TPX2: variants seen among roughly 807,000 people sequenced by gnomAD.
TPX2 encodes the protein targeting protein for Xklp2.
TPX2 carries 21 observed loss-of-function variants against 93.6 expected under a neutral mutation model. That is an observed-to-expected ratio of 0.22 (90% confidence interval 0.16 to 0.32). The LOEUF is 0.32. Ranked by LOEUF, TPX2 falls within the 10% of genes least tolerant of loss-of-function variation. TPX2 has a pLI of 1.00. For missense variants in TPX2, 776 were observed against 871.1 expected, an observed-to-expected ratio of 0.89 and a Z score of 1.37; for synonymous variants, 281 against 298.3, an observed-to-expected ratio of 0.94 and a Z score of 0.60.
chr20:31,778,607 G>A (rs1290600903), intron 9 of TPX2, among the ~76,000 whole-genome samples: 1 of 152,200 alleles, frequency 6.6e-6, no homozygotes, highest in Non-Finnish European at 1.5e-5. Flanking sequence ...GATTTGTTAA[G>A]TGCTAGATCC....
Position 31,775,887 on chromosome 20 carries a change from C to A in TPX2, c.629C>A (p.Thr210Asn). ...TTTAGGCAGAAGTTTCTAAAAAGTACTGAGGAGCAAGAGCTGGAGAAGAGT... is the reference window on the plus strand; with the variant it reads ...TTTAGGCAGAAGTTTCTAAAAAGTAATGAGGAGCAAGAGCTGGAGAAGAGT... Reference protein sequence around the residue: ...PPAKQKFLKSTEEQELEKSMK... With the variant: ...PPAKQKFLKSNEEQELEKSMK... Residue 210 changes from threonine to asparagine, a missense_variant, in exon 8 of 18, where the codon ACT becomes AAT. Transcript: ENST00000300403. The A allele has an allele frequency of 6.3e-7, 1 of 1,592,646 alleles. No homozygotes were observed. The highest frequency in any genetic ancestry group is 1.3e-5 in the African/African-American group (1 of 74,276).
chr20:31,781,345 A>T (rs950724105), intron 10 of TPX2, among the ~76,000 whole-genome samples: 1 of 143,552 alleles, frequency 7.0e-6, no homozygotes, highest in Non-Finnish European at 1.5e-5. Context: ...GGCTCACTGC[A>T]TGCTCCGCCT....
At chr20:31,763,221 C>A (rs139071496) in intron 4 of TPX2, among the ~76,000 whole-genome samples, 3,054 of 152,082 alleles carry the variant, frequency 0.02, 46 homozygotes, top group Non-Finnish European at 0.031. Flanking sequence ...CTCTTGTTGC[C>A]CAGGCTGGAG....
At chr20:31,798,259 A>G (rs1445035509) in intron 16 of TPX2, 106 bp from the exon 17 acceptor site, 59 of 1,390,102 alleles carry the variant, frequency 4.2e-5, no homozygotes, top group Non-Finnish European at 5.7e-5. Flanking sequence ...TTTAGAGCAC[A>G]GTCTTCCTGT....
chr20:31,749,972 T>C (rs1280381815), intron 2 of TPX2, among the ~76,000 whole-genome samples: 1 of 152,062 alleles, frequency 6.6e-6, no homozygotes, highest in Non-Finnish European at 1.5e-5. Flanking sequence ...GGAGTCTTAC[T>C]CTGTTGCCAG....
At chr20:31,747,225 A>G (rs2061788961) in intron 2 of TPX2, among the ~76,000 whole-genome samples, 1 of 151,816 alleles carries the variant, frequency 6.6e-6, no homozygotes, top group South Asian at 2.1e-4. Flanking sequence ...GGTTCAAGCT[A>G]TTTTCCTGCC....
Position 31,757,583 on chromosome 20 carries a change from G to C in TPX2, c.106+1G>C, listed in dbSNP as rs1353818689. The C allele has an allele frequency of 6.2e-7, 1 of 1,611,072 alleles. No individual in the cohort carries two copies. The highest frequency in any genetic ancestry group is 1.7e-5 in the Admixed American group (1 of 59,920). ...ACTCAAAACATAGATTCATGGTTTG[G>C]TAAGTGCCTGCTTTCTCTGGCTATT... On this transcript the variant is annotated splice_donor_variant, in intron 3 of 17. Transcript: ENST00000300403. LOFTEE classifies it high-confidence loss of function.
At chr20:31,763,035 T>C (rs1166085606) in intron 4 of TPX2, among the ~76,000 whole-genome samples, 1 of 152,194 alleles carries the variant, frequency 6.6e-6, no homozygotes, top group Non-Finnish European at 1.5e-5. Flanking sequence ...TGTCTGTGTG[T>C]CTGTTTTTAT....
At chr20:31,787,294 C>T (rs929451413) in intron 12 of TPX2, among the ~76,000 whole-genome samples, 1 of 150,512 alleles carries the variant, frequency 6.6e-6, no homozygotes, top group African/African-American at 2.5e-5. Flanking sequence ...TTACTGTTAT[C>T]ATATTTATTT....
At position 31,778,856 on chromosome 20, in the gene TPX2, T is replaced by C; in HGVS notation, c.926T>C (p.Leu309Pro). ...TGTACCATTGTTAAGCCTTTCAACCTGTCCCAAGGAAAGAAAAGAACATTT... is the reference window on the plus strand; with the variant it reads ...TGTACCATTGTTAAGCCTTTCAACCCGTCCCAAGGAAAGAAAAGAACATTT... Reference protein sequence around the residue: ...KGCTIVKPFNLSQGKKRTFDE... With the variant: ...KGCTIVKPFNPSQGKKRTFDE... Residue 309 changes from leucine to proline, a missense_variant, in exon 10 of 18, where the codon CTG (leucine) becomes CCG (proline). Leu to Pro is a moderately conservative substitution (Grantham distance 98, BLOSUM62 -3). This residue lies in a region of TPX2 where 461 missense variants were observed against 551.2 expected (regional missense o/e 0.84). Coordinates refer to ENST00000300403, the MANE Select transcript of TPX2 (RefSeq NM_012112.5). 1 of 1,608,728 alleles carries C rather than the reference T, an allele frequency of 6.2e-7. No individual in the cohort carries two copies. Among genetic ancestry groups the C allele is most frequent in the Non-Finnish European group, 8.5e-7 (1 of 1,178,394 alleles).
intron 17 of TPX2, among the ~76,000 whole-genome samples, chr20:31,799,577 A>G (rs946386226): frequency 1.3e-5 from 2 of 152,226 alleles, no homozygotes; most frequent in African/African-American, 4.8e-5. Context: ...GCGGTACACA[A>G]TAAAAATATA....
chr20:31,774,657 G>A (rs1035809446), intron 7 of TPX2, among the ~76,000 whole-genome samples: 3 of 152,240 alleles, frequency 2.0e-5, no homozygotes, highest in Non-Finnish European at 4.4e-5. Context: ...GGCAGCAAAT[G>A]AAATGACAGG....
chr20:31,794,106 A>G (rs1202380357), intron 14 of TPX2, 82 bp downstream of exon 14: 4 of 1,372,552 alleles, frequency 2.9e-6, no homozygotes, highest in East Asian at 2.3e-5. Context: ...ACTTTTAACT[A>G]TAAAATCACT....
intron 16 of TPX2, among the ~76,000 whole-genome samples, 175 bp downstream of exon 16, chr20:31,797,690 A>T (rs1056282009): frequency 6.6e-6 from 1 of 152,186 alleles, no homozygotes; most frequent in African/African-American, 2.4e-5. Flanking sequence ...CCCAGCAGCT[A>T]TGTTGAGTTG....
chr20:31,783,149 G>T lies in TPX2; in HGVS notation c.1197-556G>T, dbSNP rs545540470. On this transcript the variant is annotated intron_variant, in intron 11 of 17. Transcript: ENST00000300403. ...CATTCCTTTTTGTGCTTCTTTTGAG[G>T]AGGGGGAGCTTCTTCTGTGAAGTGA... is the stretch of plus-strand genomic sequence containing the variant. 2.0e-5 allele frequency among the ~76,000 whole-genome samples: 3 copies of T among 152,240 alleles called. No individual in the cohort carries two copies. In the East Asian group the frequency reaches 5.8e-4, roughly 29 times the overall value.
intron 2 of TPX2, among the ~76,000 whole-genome samples, chr20:31,752,804 C>T (rs146299514): frequency 0.019 from 2,817 of 152,082 alleles, 37 homozygotes; most frequent in Non-Finnish European, 0.029. Context: ...TTAGTAGAGA[C>T]GGGGTTTCAC....
chr20:31,791,447 C>A (rs2062100907), intron 12 of TPX2, among the ~76,000 whole-genome samples: 1 of 152,058 alleles, frequency 6.6e-6, no homozygotes, highest in Non-Finnish European at 1.5e-5. Flanking sequence ...CCATGCCCGG[C>A]TAATTTTTTT....
At chr20:31,790,855 A>G (rs1365782326) in intron 12 of TPX2, among the ~76,000 whole-genome samples, 1 of 152,160 alleles carries the variant, frequency 6.6e-6, no homozygotes, top group Non-Finnish European at 1.5e-5. Context: ...AAATAAGTGC[A>G]ATTAAGTTTT....
chr20:31,789,101 CCT>C (rs1341876448), intron 12 of TPX2, among the ~76,000 whole-genome samples: 1 of 152,278 alleles, frequency 6.6e-6, no homozygotes, highest in Admixed American at 6.5e-5. Context: ...TTTAGAGATA[CCT>C]TCCCCTTCAT....
Sources: gnomAD v4.1 joint callset for allele counts (sites outside exome capture counted in the v4.1 genomes callset) on GRCh38, gnomAD v4.1.1 for gene constraint, gnomAD v4.1.1 regional missense constraint, MANE v1.5 for transcripts, NCBI Gene and HGNC (gene_info 2026-07-23, HGNC 2026-07-21) for gene names.